The following THRB variants were observed in gnomAD, a reference collection of about 807,000 sequenced individuals.
The protein encoded by THRB is thyroid hormone receptor beta.
THRB carries 12 observed loss-of-function variants against 47.8 expected under a neutral mutation model. The observed-to-expected ratio is 0.25, with a 90% CI of 0.16 to 0.41. The LOEUF (loss-of-function observed/expected upper bound fraction) is 0.41. THRB is among the 10% of genes least tolerant of loss of function. The pLI, the probability that THRB is intolerant of heterozygous loss-of-function variation, is 1.00. For synonymous variants in THRB, 218 were observed against 212.2 expected, an observed-to-expected ratio of 1.03 and a Z score of -0.24; for missense variants, 348 against 589.2, an observed-to-expected ratio of 0.59 and a Z score of 4.24.
chr3:24,339,588 TTGCTATAATACAAACA>T (rs1375351882), intron 1 of THRB, among the ~76,000 whole-genome samples: 3 of 152,072 alleles, frequency 2.0e-5, no homozygotes, highest in Non-Finnish European at 4.4e-5. Context: ...TTTCCAACTT[TTGCTATAATACAAACA>T]TGCGGCATCT....
At chr3:24,217,779 C>A (rs1284914931) in intron 4 of THRB, among the ~76,000 whole-genome samples, 1 of 152,032 alleles carries the variant, frequency 6.6e-6, no homozygotes, top group Non-Finnish European at 1.5e-5. Flanking sequence ...TGGTGTGGTC[C>A]CTTGCCTTGT....
intron 3 of THRB, among the ~76,000 whole-genome samples, chr3:24,279,108 G>T (rs1305973783): frequency 6.6e-6 from 1 of 152,172 alleles, no homozygotes; most frequent in Non-Finnish European, 1.5e-5. Context: ...GCCTCCCAAA[G>T]TGCTGGAATT....
chr3:24,430,697 T>C (rs1472206496), intron 1 of THRB: 1 of 151,884 alleles, frequency 6.6e-6, no homozygotes, highest in Non-Finnish European at 1.5e-5. Flanking sequence ...TTACTAACCA[T>C]AAAAGAAGAA....
At position 24,122,123 on chromosome 3, in the gene THRB, A is replaced by G. The variant is rs2031795090; in HGVS notation, c.*761T>C. The G allele has an allele frequency of 6.5e-6, 1 of 152,796 alleles. No homozygotes were observed. Among genetic ancestry groups the G allele is most frequent in the East Asian group, 1.9e-4 (1 of 5,196 alleles). The allele number at this position is 152,796 out of a possible 1,614,324, so 9.5% of individuals were successfully genotyped here. A position where few individuals can be genotyped will look rare whatever the true frequency, so the allele number is the denominator to read the frequency against. On this transcript the variant is annotated 3_prime_UTR_variant, in exon 11 of 11. Transcript: ENST00000646209. ...AGAAGCCTTCCTACTGTGAGGTAATACTATGTGAATTTTTGGAAACCATGC... is the reference window on the plus strand; with the variant it reads ...AGAAGCCTTCCTACTGTGAGGTAATGCTATGTGAATTTTTGGAAACCATGC...
At position 24,350,283 on chromosome 3, in the gene THRB, T is replaced by C. The variant is rs1358191833; in HGVS notation, c.-260-12912A>G. Among the ~76,000 whole-genome samples, 5 of 152,202 alleles carry C rather than the reference T, an allele frequency of 3.3e-5. No homozygotes were observed. The East Asian group carries it at 5.8e-4, about 18-fold the overall frequency. On this transcript the variant is annotated intron_variant, in intron 1 of 10. Transcript: ENST00000646209. ...ACACTGTTGGTGAAGTATAATCATT[T>C]TGACAGTTCTATAATATCTCCTAAA...
At chr3:24,232,488 C>T (rs147723704) in intron 3 of THRB, among the ~76,000 whole-genome samples, 1 of 152,224 alleles carries the variant, frequency 6.6e-6, no homozygotes, top group Admixed American at 6.5e-5. Flanking sequence ...GGAGGTGACC[C>T]CAGACCTTTA....
At chr3:24,313,384 T>G (rs570406983) in intron 2 of THRB, among the ~76,000 whole-genome samples, 1 of 152,294 alleles carries the variant, frequency 6.6e-6, no homozygotes, top group East Asian at 1.9e-4. Context: ...AATTTGCTGC[T>G]TGGGGAATTA....
At chr3:24,473,068 G>A (rs1694937896) in intron 1 of THRB, among the ~76,000 whole-genome samples, 2 of 152,104 alleles carry the variant, frequency 1.3e-5, no homozygotes, top group South Asian at 4.2e-4. Context: ...AGCTTTCTGA[G>A]AGGATGAGTA....
At chr3:24,146,915 T>G in intron 6 of THRB, 93 bp from the exon 7 acceptor site, 5 of 1,162,306 alleles carry the variant, frequency 4.3e-6, no homozygotes, top group Non-Finnish European at 5.1e-6. Flanking sequence ...ATGAGATGAA[T>G]CGTTTTGGAC....
At chr3:24,364,707 T>C (rs1027280191) in intron 1 of THRB, among the ~76,000 whole-genome samples, 1 of 152,124 alleles carries the variant, frequency 6.6e-6, no homozygotes, top group Non-Finnish European at 1.5e-5. Flanking sequence ...AAAGGGCTCT[T>C]GGGGGTACTC....
At chr3:24,315,592 G>A (rs997198092) in intron 2 of THRB, among the ~76,000 whole-genome samples, 4 of 152,274 alleles carry the variant, frequency 2.6e-5, no homozygotes, top group East Asian at 1.9e-4. Context: ...AGCCAGTATT[G>A]CAGCAGGAAG....
intron 1 of THRB, among the ~76,000 whole-genome samples, chr3:24,424,814 G>T (rs988176426): frequency 3.3e-5 from 5 of 151,802 alleles, no homozygotes; most frequent in African/African-American, 9.7e-5. Flanking sequence ...AAAGCAGAAA[G>T]AATAAAAAAC....
At chr3:24,333,060 G>A (rs552988906) in intron 2 of THRB, among the ~76,000 whole-genome samples, 22 of 152,128 alleles carry the variant, frequency 1.4e-4, no homozygotes, top group African/African-American at 4.6e-4. Context: ...CTCCAGCCTG[G>A]GTGACAGAGC....
chr3:24,281,924 G>C (rs541171412), intron 3 of THRB, among the ~76,000 whole-genome samples: 236 of 150,024 alleles, frequency 1.6e-3, no homozygotes, highest in African/African-American at 5.7e-3. Flanking sequence ...GGAGCACCCA[G>C]ATTCATAAAG....
chr3:24,203,796 T>C (rs1182782506), intron 4 of THRB, among the ~76,000 whole-genome samples: 1 of 152,302 alleles, frequency 6.6e-6, no homozygotes, highest in East Asian at 1.9e-4. Context: ...GAAAATCAGA[T>C]CACTCCCACC....
intron 4 of THRB, among the ~76,000 whole-genome samples, chr3:24,202,552 G>A (rs2044719918): frequency 6.6e-6 from 1 of 152,122 alleles, no homozygotes; most frequent in Non-Finnish European, 1.5e-5. Context: ...CAAAAACAAA[G>A]CAACCAAGGT....
chr3:24,483,280 G>C (rs1292590261), intron 1 of THRB, among the ~76,000 whole-genome samples: 3 of 152,010 alleles, frequency 2.0e-5, no homozygotes, highest in Non-Finnish European at 4.4e-5. Flanking sequence ...AAAAGTGTGT[G>C]TCCCATTATA....
intron 3 of THRB, among the ~76,000 whole-genome samples, chr3:24,229,370 C>A (rs1416280996): frequency 2.6e-5 from 4 of 152,106 alleles, no homozygotes; most frequent in African/African-American, 9.7e-5. Context: ...GGTCTGTGGG[C>A]CAGCAGTCTC....
In THRB at chr3:24,356,174, C is replaced by G. The variant is rs181729478; in HGVS notation, c.-260-18803G>C. On this transcript the variant is annotated intron_variant, in intron 1 of 10. Coordinates refer to ENST00000646209, the MANE Select transcript of THRB (RefSeq NM_001354712.2). ...TTGAGCAAGTCCAAATCTAGCAAGACAAATTTAATCAGACTTTAGGATTGA... is the reference window on the plus strand; with the variant it reads ...TTGAGCAAGTCCAAATCTAGCAAGAGAAATTTAATCAGACTTTAGGATTGA... Among the ~76,000 whole-genome samples the G allele has an allele frequency of 3.3e-5, 5 of 152,218 alleles. No individual in the cohort carries two copies. The East Asian group carries it at 9.7e-4, about 29-fold the overall frequency.
Sources: gnomAD v4.1 joint callset for allele counts (sites outside exome capture counted in the v4.1 genomes callset) on GRCh38, gnomAD v4.1.1 for gene constraint, MANE v1.5 for transcripts, NCBI Gene and HGNC (gene_info 2026-07-23, HGNC 2026-07-21) for gene names.